The following IL12RB2 variants were observed in gnomAD, a reference collection of about 807,000 sequenced individuals.
IL12RB2 encodes interleukin-12 receptor subunit beta-2.
In IL12RB2, 82 loss-of-function variants were observed where a neutral mutation model predicts 89.4. The ratio of observed to expected loss-of-function variants is 0.92; its 90% CI spans 0.77 to 1.10. The LOEUF is 1.10. Among genes scored for constraint, IL12RB2 ranks in the 50% least tolerant of loss-of-function variants. The pLI, the probability that IL12RB2 is intolerant of heterozygous loss-of-function variation, is 0.00. For synonymous variants in IL12RB2, 368 were observed against 370.1 expected (o/e 0.99, Z 0.07); for missense variants, 963 against 1,031.9 (o/e 0.93, Z 0.92).
intron 16 of IL12RB2, 45 bp downstream of exon 16, chr1:67,390,173 T>G (rs760812907): frequency 1.4e-5 from 12 of 871,118 alleles, no homozygotes; most frequent in Non-Finnish European, 2.2e-5. Context: ...GTTCTAGTGA[T>G]CACCACATCT....
intron 4 of IL12RB2, among the ~76,000 whole-genome samples, chr1:67,325,000 A>C (rs1657097150): frequency 6.6e-6 from 1 of 152,268 alleles, no homozygotes; most frequent in Non-Finnish European, 1.5e-5. Flanking sequence ...GCTCAAACTC[A>C]GCTCTACCAC....
At chr1:67,336,186 C>T (rs746971821) in intron 8 of IL12RB2, among the ~76,000 whole-genome samples, 16 of 152,194 alleles carry the variant, frequency 1.1e-4, no homozygotes, top group Admixed American at 7.2e-4. Context: ...GCAGGGTCTT[C>T]GGGGAAAGCA....
intron 16 of IL12RB2, among the ~76,000 whole-genome samples, chr1:67,392,918 C>G: frequency 6.6e-6 from 1 of 152,154 alleles, no homozygotes; most frequent in East Asian, 1.9e-4. Context: ...GCCACCACAC[C>G]TGGCCTAGAA....
Position 67,321,821 on chromosome 1 carries a change from TTGTC to T in IL12RB2, c.299_302del (p.Val100AlafsTer61), listed in dbSNP as rs1656579169. On this transcript the variant is annotated frameshift_variant, in exon 4 of 17. Coordinates refer to ENST00000674203, the MANE Select transcript of IL12RB2 (RefSeq NM_001374259.2). LOFTEE classifies it high-confidence loss of function. ...GGTCTTCCCCTTGGTACAACCTTGT[TTGTC>T]TGCAAACTGGCCTGTATCAATAGTG... is the stretch of plus-strand genomic sequence containing the variant. 6.2e-7 allele frequency: 1 copy of T among 1,613,540 alleles called. No individual in the cohort carries two copies. The highest frequency in any genetic ancestry group is 1.7e-5 in the Admixed American group (1 of 60,002).
At chr1:67,389,334 T>C (rs1322177678) in intron 15 of IL12RB2, among the ~76,000 whole-genome samples, 1 of 104,570 alleles carries the variant, frequency 9.6e-6, no homozygotes, top group Non-Finnish European at 2.5e-5. Flanking sequence ...TAAAGCATAC[T>C]TTTAAAAAAA....
chr1:67,350,803 G>A, intron 9 of IL12RB2, 67 bp from the exon 10 acceptor site: 2 of 1,594,248 alleles, frequency 1.3e-6, no homozygotes, highest in South Asian at 2.3e-5. Flanking sequence ...GTACCCATGA[G>A]GTCCAGGCAC....
At chr1:67,356,305 CTT>C (rs1442689500) in intron 10 of IL12RB2, among the ~76,000 whole-genome samples, 4 of 152,188 alleles carry the variant, frequency 2.6e-5, no homozygotes, top group African/African-American at 9.7e-5. Flanking sequence ...TACTTGTTCT[CTT>C]TGTTTTTTCC....
chr1:67,388,919 A>G (rs7536192), intron 15 of IL12RB2, among the ~76,000 whole-genome samples: 19,836 of 152,056 alleles, frequency 0.13, 2,070 homozygotes, highest in African/African-American at 0.28. Context: ...TGTGTGATAG[A>G]TACTTCAACG....
chr1:67,363,206 T>G lies in IL12RB2; in HGVS notation c.1259-4619T>G, dbSNP rs552379755. ...ATGAGCCACTGTGCCTGGCCAATTA[T>G]TCTTATTTTTTTTTTTTTTTTTTTT... On this transcript the variant is annotated intron_variant, in intron 10 of 16. Coordinates refer to ENST00000674203, the MANE Select transcript of IL12RB2 (RefSeq NM_001374259.2). Among the ~76,000 whole-genome samples the G allele has an allele frequency of 2.8e-5, 4 of 142,238 alleles. No individual in the cohort carries two copies. In the South Asian group the frequency reaches 9.0e-4, roughly 32 times the overall value. 93.3% of individuals were successfully genotyped at this position (142,238 alleles called of 152,430 possible).
At chr1:67,367,492 G>GGAAGGAAGCA (rs1662824307) in intron 10 of IL12RB2, among the ~76,000 whole-genome samples, 1 of 86,188 alleles carries the variant, frequency 1.2e-5, no homozygotes, top group Admixed American at 1.3e-4. Context: ...AGGAAGCAAA[G>GGAAGGAAGCA]AAGGAAGGAA....
chr1:67,368,727 C>T (rs781432823), intron 11 of IL12RB2, among the ~76,000 whole-genome samples: 12 of 152,162 alleles, frequency 7.9e-5, no homozygotes, highest in East Asian at 3.8e-4. Context: ...TACCTGGGTT[C>T]GAGTCTTGGC....
rs759107334 is a variant in IL12RB2, at chr1:67,396,585, T to C, written c.*496T>C. ...TCCAGTACATTAGACACTAGGCACATTGGCTGTTAATCACTTGGAATGTGT... is the reference window on the plus strand; with the variant it reads ...TCCAGTACATTAGACACTAGGCACACTGGCTGTTAATCACTTGGAATGTGT... On this transcript the variant is annotated 3_prime_UTR_variant, in exon 17 of 17. Coordinates refer to ENST00000674203, the MANE Select transcript of IL12RB2 (RefSeq NM_001374259.2). The C allele has an allele frequency of 1.7e-5, 3 of 176,202 alleles. No homozygotes were observed. The highest frequency in any genetic ancestry group is 5.5e-5 in the Admixed American group (1 of 18,108). The allele number at this position is 176,202 out of a possible 1,614,324, so 10.9% of individuals were successfully genotyped here. A position where few individuals can be genotyped will look rare whatever the true frequency, so the allele number is the denominator to read the frequency against.
In IL12RB2 at chr1:67,396,653, C is replaced by T. The variant is rs187086811; in HGVS notation, c.*564C>T. On this transcript the variant is annotated 3_prime_UTR_variant, in exon 17 of 17. Coordinates refer to ENST00000674203, the MANE Select transcript of IL12RB2 (RefSeq NM_001374259.2). The stretch of plus-strand genomic sequence containing the variant: ...TTAAATTTTGATTGTAAATTTAAAT[C>T]GCCACACATGGCTAGTGGCTACTGT... 3.7e-4 allele frequency: 62 copies of T among 166,024 alleles called. No individual in the cohort carries two copies. Among genetic ancestry groups the T allele is most frequent in the African/African-American group, 1.4e-3 (58 of 41,836 alleles). 10.3% of individuals were successfully genotyped at this position (166,024 alleles called of 1,614,324 possible).
intron 8 of IL12RB2, among the ~76,000 whole-genome samples, chr1:67,331,498 T>G (rs1185430280): frequency 2.6e-5 from 4 of 152,204 alleles, no homozygotes; most frequent in Non-Finnish European, 5.9e-5. Context: ...ATGCCAATAT[T>G]AAATCTTTGG....
At chr1:67,376,801 A>AGTT (rs1664037698) in intron 13 of IL12RB2, among the ~76,000 whole-genome samples, 1 of 152,120 alleles carries the variant, frequency 6.6e-6, no homozygotes, top group Non-Finnish European at 1.5e-5. Context: ...TCACTCCCAG[A>AGTT]GTTAAGGATG....
intron 11 of IL12RB2, among the ~76,000 whole-genome samples, chr1:67,371,475 C>T (rs10493423): frequency 0.075 from 11,390 of 151,290 alleles, 845 homozygotes; most frequent in East Asian, 0.22. Context: ...GGCTACCTAT[C>T]GGCAGGGCAT....
At chr1:67,381,990 A>G (rs1338667125) in intron 14 of IL12RB2, among the ~76,000 whole-genome samples, 4 of 152,082 alleles carry the variant, frequency 2.6e-5, no homozygotes, top group Non-Finnish European at 5.9e-5. Context: ...TGTCTCAAAA[A>G]TAAAAAAAAA....
chr1:67,394,354 G>GT (rs1182695797), intron 16 of IL12RB2, among the ~76,000 whole-genome samples: 1 of 152,020 alleles, frequency 6.6e-6, no homozygotes, highest in Non-Finnish European at 1.5e-5. Flanking sequence ...TTAAAGCCCA[G>GT]TTTTTTAAAA....
chr1:67,338,283 C>T (rs556134754), intron 8 of IL12RB2, among the ~76,000 whole-genome samples: 40 of 131,902 alleles, frequency 3.0e-4, no homozygotes, highest in Non-Finnish European at 5.1e-4. Context: ...GAGCTGAGAT[C>T]GTGCCACTGC....
Sources: allele counts gnomAD v4.1 joint callset (sites outside exome capture counted in the v4.1 genomes callset), GRCh38; gene constraint gnomAD v4.1.1; transcripts MANE v1.5; gene names NCBI Gene and HGNC (gene_info 2026-07-23, HGNC 2026-07-21).